Variants in RET observed in about 807,000 individuals in gnomAD.
The protein encoded by RET is proto-oncogene tyrosine-protein kinase receptor Ret.
Under a neutral mutation model 118.3 loss-of-function variants are expected in RET, and 19 were observed. That is an observed-to-expected ratio of 0.16 (90% CI 0.11 to 0.24). The LOEUF (loss-of-function observed/expected upper bound fraction) is 0.24. RET is among the 10% of genes least tolerant of loss of function. RET has a pLI of 1.00. For synonymous variants in RET, 597 were observed against 644.1 expected (o/e 0.93, Z 1.11); for missense variants, 1,219 against 1,502.1 (o/e 0.81, Z 3.12).
chr10:43,110,340 C>T (rs1234160836), intron 6 of RET, among the ~76,000 whole-genome samples: 3 of 152,200 alleles, frequency 2.0e-5, no homozygotes, highest in Non-Finnish European at 2.9e-5. Context: ...TTGAGAGTCA[C>T]ATGAGCATTT....
chr10:43,119,510 G>T, intron 13 of RET, 21 bp from the exon 14 acceptor site: 1 of 1,579,922 alleles, frequency 6.3e-7, no homozygotes, highest in Non-Finnish European at 8.6e-7. Context: ...CACGCCCAGG[G>T]CCCCCTCTCT....
chr10:43,113,825 A>T, intron 10 of RET, 150 bp downstream of exon 10: 4 of 1,194,466 alleles, frequency 3.3e-6, no homozygotes, highest in Non-Finnish European at 4.6e-6. Context: ...CTGTTACTCC[A>T]CCCAGGAGAG....
chr10:43,081,567 G>T (rs1462731385), intron 1 of RET, among the ~76,000 whole-genome samples: 2 of 152,188 alleles, frequency 1.3e-5, no homozygotes, highest in South Asian at 2.1e-4. Flanking sequence ...TGGCACCAGG[G>T]CTGTCTCTCC....
chr10:43,124,525 A>G (rs558057495), intron 17 of RET, among the ~76,000 whole-genome samples: 3 of 152,368 alleles, frequency 2.0e-5, no homozygotes, highest in African/African-American at 7.2e-5. Flanking sequence ...GAGAGTTTTA[A>G]GGACTGGCAC....
In RET at chr10:43,119,694, C is replaced by G. The variant is rs377767426; in HGVS notation, c.2556C>G (p.Ile852Met). Residue 852 changes from isoleucine to methionine, a missense_variant, in exon 14 of 20, where the codon ATC becomes ATG. Ile to Met is a conservative substitution (Grantham distance 10). Transcript: ENST00000355710. Reference sequence around the variant, plus strand: ...GGGCCCTCACCATGGGCGACCTCATCTCATTTGCCTGGCAGATCTCACAGG... The same window carrying G: ...GGGCCCTCACCATGGGCGACCTCATGTCATTTGCCTGGCAGATCTCACAGG... ...DERALTMGDL[I>M]SFAWQISQGM... The G allele has an allele frequency of 2.1e-4, 346 of 1,613,560 alleles. No individual in the cohort carries two copies. The highest frequency in any genetic ancestry group is 3.4e-4 in the South Asian group (31 of 91,088).
At chr10:43,119,138 C>T (rs1008010087) in intron 13 of RET, among the ~76,000 whole-genome samples, 12 of 152,158 alleles carry the variant, frequency 7.9e-5, no homozygotes, top group African/African-American at 2.9e-4. Context: ...CAGAGCCCAG[C>T]GCCAGGCAGG....
rs112685029 is a variant in RET, at chr10:43,094,516, T to C, written c.74-5943T>C. Among the ~76,000 whole-genome samples, 1,197 of 152,324 alleles carry C rather than the reference T, an allele frequency of 7.9e-3. 16 individuals carry two copies. Among genetic ancestry groups the C allele is most frequent in the African/African-American group, 0.028 (1,151 of 41,574 alleles). The stretch of plus-strand genomic sequence containing the variant: ...TTGTGCTGCCATCCTAGGGAAGTTT[T>C]TCATGGTCTGGAGCTCCATTTGTGT... On this transcript the variant is annotated intron_variant, in intron 1 of 19. Transcript: ENST00000355710.
chr10:43,127,997 C>G, intron 19 of RET, 115 bp from the exon 20 acceptor site: 1 of 1,061,556 alleles, frequency 9.4e-7, no homozygotes, highest in Non-Finnish European at 1.5e-6. Context: ...ATATAATTGG[C>G]ACAGAAACCA....
At chr10:43,094,866 G>A (rs922410003) in intron 1 of RET, among the ~76,000 whole-genome samples, 14 of 152,236 alleles carry the variant, frequency 9.2e-5, no homozygotes, top group Non-Finnish European at 1.6e-4. Flanking sequence ...TGCCCCCGTG[G>A]TGTGTAATGG....
At chr10:43,107,858 T>C (rs1837820205) in intron 5 of RET, among the ~76,000 whole-genome samples, 1 of 152,080 alleles carries the variant, frequency 6.6e-6, no homozygotes, top group Admixed American at 6.6e-5. Flanking sequence ...AAACAGGGGC[T>C]TACAGGTTAG....
At chr10:43,093,439 G>A (rs1450592804) in intron 1 of RET, among the ~76,000 whole-genome samples, 1 of 152,152 alleles carries the variant, frequency 6.6e-6, no homozygotes, top group Admixed American at 6.5e-5. Flanking sequence ...ACAATTTGGG[G>A]TGAGGAGGGG....
chr10:43,085,074 A>G (rs923057009), intron 1 of RET, among the ~76,000 whole-genome samples: 3 of 152,198 alleles, frequency 2.0e-5, no homozygotes, highest in Admixed American at 6.5e-5. Context: ...CGGTGGATGC[A>G]CCTAGGCAGC....
chr10:43,091,914 C>T (rs1837420524), intron 1 of RET, among the ~76,000 whole-genome samples: 1 of 151,720 alleles, frequency 6.6e-6, no homozygotes, highest in Admixed American at 6.6e-5. Context: ...AGTGTAGCTG[C>T]TGTGGAGAAC....
intron 1 of RET, among the ~76,000 whole-genome samples, chr10:43,079,199 G>T (rs1420637269): frequency 6.6e-6 from 1 of 152,120 alleles, no homozygotes; most frequent in African/African-American, 2.4e-5. Flanking sequence ...ACTCACACTG[G>T]ATCACCAAGA....
chr10:43,108,710 A>G (rs1837840501), intron 5 of RET, among the ~76,000 whole-genome samples: 1 of 152,096 alleles, frequency 6.6e-6, no homozygotes, highest in African/African-American at 2.4e-5. Flanking sequence ...AATGCATACT[A>G]CACACTTACA....
At position 43,129,932 on chromosome 10, in the gene RET, G is replaced by T. The variant is rs1838412681; in HGVS notation, c.*1663G>T. 5.0e-6 allele frequency: 2 copies of T among 398,870 alleles called. No homozygotes were observed. Among genetic ancestry groups the T allele is most frequent in the South Asian group, 1.3e-4 (1 of 7,856 alleles). The allele number at this position is 398,870 out of a possible 1,614,324, so 24.7% of individuals were successfully genotyped here. On this transcript the variant is annotated 3_prime_UTR_variant, in exon 20 of 20. Transcript: ENST00000355710. Reference sequence around the variant, plus strand: ...CTTTTGGTTTTCAGATATGCTTAATGATAGTCTTACTAAATGCAGAAATAA... The same window carrying T: ...CTTTTGGTTTTCAGATATGCTTAATTATAGTCTTACTAAATGCAGAAATAA...
intron 2 of RET, among the ~76,000 whole-genome samples, chr10:43,101,709 G>T (rs1837646216): frequency 6.6e-6 from 1 of 152,238 alleles, no homozygotes; most frequent in Non-Finnish European, 1.5e-5. Flanking sequence ...GCCAGTTCCT[G>T]TGGAGGAAGA....
chr10:43,086,982 A>G (rs1422592427), intron 1 of RET, among the ~76,000 whole-genome samples: 4 of 152,010 alleles, frequency 2.6e-5, no homozygotes, highest in Non-Finnish European at 5.9e-5. Context: ...CCCCTTCCCC[A>G]CTCACGGCAG....
intron 1 of RET, among the ~76,000 whole-genome samples, chr10:43,093,699 G>A (rs1247876899): frequency 6.6e-6 from 1 of 152,190 alleles, no homozygotes; most frequent in Non-Finnish European, 1.5e-5. Context: ...GAGCAGCTGG[G>A]AGAAAGTGGG....
Sources: gnomAD v4.1 joint callset for allele counts (sites outside exome capture counted in the v4.1 genomes callset) on GRCh38, gnomAD v4.1.1 for gene constraint, MANE v1.5 for transcripts, NCBI Gene and HGNC (gene_info 2026-07-23, HGNC 2026-07-21) for gene names.